Variants in KIAA1549L observed in about 807,000 individuals in gnomAD.
KIAA1549L encodes the protein UPF0606 protein KIAA1549L.
In KIAA1549L, 88 loss-of-function variants were observed where a neutral mutation model predicts 160.7. That is an observed-to-expected ratio of 0.55 (90% CI 0.46 to 0.65). The LOEUF (loss-of-function observed/expected upper bound fraction) is 0.65, where lower values mean the gene tolerates loss of function less well. KIAA1549L is among the 30% of genes least tolerant of loss of function. The pLI is 0.00. For missense variants in KIAA1549L, 2,258 were observed against 2,437.5 expected (o/e 0.93, Z 1.55); for synonymous variants, 950 against 976.7 (o/e 0.97, Z 0.51).
At chr11:33,656,732 C>T (rs1302097382) in intron 18 of KIAA1549L, among the ~76,000 whole-genome samples, 1 of 152,142 alleles carries the variant, frequency 6.6e-6, no homozygotes, top group Non-Finnish European at 1.5e-5. Flanking sequence ...TCCAGCTTCC[C>T]CCAACATACA....
chr11:33,568,032 A>G (rs1267014633), intron 8 of KIAA1549L, 44 bp from the exon 9 acceptor site: 1 of 1,537,348 alleles, frequency 6.5e-7, no homozygotes, highest in Non-Finnish European at 8.8e-7. Flanking sequence ...GAATCAGCAG[A>G]AAGTCTGCCT....
chr11:33,430,745 G>A (rs1475175041), intron 1 of KIAA1549L, among the ~76,000 whole-genome samples: 1 of 152,180 alleles, frequency 6.6e-6, no homozygotes, highest in Admixed American at 6.5e-5. Flanking sequence ...ACCTCAACCT[G>A]TCAGAAGCAG....
chr11:33,545,163 A>C lies in KIAA1549L; in HGVS notation c.3170A>C (p.Asn1057Thr), dbSNP rs1590329070. 1 of 1,613,788 alleles carries C rather than the reference A, an allele frequency of 6.2e-7. No homozygotes were observed. The highest frequency in any genetic ancestry group is 8.5e-7 in the Non-Finnish European group (1 of 1,179,852). Residue 1057 changes from asparagine (N) to threonine (T), a missense_variant, in exon 3 of 21, where the codon AAC becomes ACC. Physicochemically the swap from Asn to Thr is moderately conservative, Grantham distance 65 (BLOSUM62 0). This residue lies in a region of KIAA1549L where 1,359 missense variants were observed against 1,546.6 expected (regional missense o/e 0.88). Transcript: ENST00000658780. ...AMHTGLPNPTNLEMPRASTPR... is the reference protein window; with the variant it reads ...AMHTGLPNPTTLEMPRASTPR... ...CACACCGGCCTCCCAAACCCCACCA[A>C]CCTGGAGATGCCCAGAGCATCCACG...
chr11:33,466,959 G>C (rs1014479697), intron 1 of KIAA1549L, among the ~76,000 whole-genome samples: 11 of 148,028 alleles, frequency 7.4e-5, no homozygotes, highest in African/African-American at 2.5e-4. Flanking sequence ...TCACACACTG[G>C]GGCCTGTTGG....
At chr11:33,573,106 C>A (rs1361042766) in intron 9 of KIAA1549L, among the ~76,000 whole-genome samples, 1 of 152,120 alleles carries the variant, frequency 6.6e-6, no homozygotes, top group African/African-American at 2.4e-5. Flanking sequence ...CTCTTTTGCC[C>A]ATTTTCTATT....
chr11:33,524,589 T>G (rs1853571479), intron 1 of KIAA1549L, among the ~76,000 whole-genome samples: 1 of 152,196 alleles, frequency 6.6e-6, no homozygotes, highest in Non-Finnish European at 1.5e-5. Context: ...AACATTTCAG[T>G]CTATAAATTT....
At chr11:33,631,617 C>T (rs1313827437) in intron 16 of KIAA1549L, among the ~76,000 whole-genome samples, 3 of 152,180 alleles carry the variant, frequency 2.0e-5, no homozygotes, top group Admixed American at 6.5e-5. Flanking sequence ...CAAACCTGCT[C>T]CTGGCTGAGA....
intron 18 of KIAA1549L, among the ~76,000 whole-genome samples, chr11:33,657,871 C>T (rs1222002822): frequency 1.6e-4 from 24 of 152,172 alleles, no homozygotes; most frequent in Admixed American, 1.3e-3. Context: ...TCTCCCTTGC[C>T]GTGGCTGTCA....
chr11:33,583,644 T>C, intron 11 of KIAA1549L, 143 bp downstream of exon 11: 1 of 747,106 alleles, frequency 1.3e-6, no homozygotes, highest in Non-Finnish European at 2.1e-6. Context: ...TCCTTCCTTT[T>C]AGTCTCAGGA....
chr11:33,545,499 AT>A, intron 3 of KIAA1549L, 121 bp downstream of exon 3: 1 of 1,210,672 alleles, frequency 8.3e-7, no homozygotes, highest in Non-Finnish European at 1.1e-6. Flanking sequence ...CCCCAGGGAC[AT>A]TTGGCTATGT....
chr11:33,435,800 A>ATGTG (rs1309350867), intron 1 of KIAA1549L, among the ~76,000 whole-genome samples: 1,103 of 12,884 alleles, frequency 0.086, 232 homozygotes, highest in African/African-American at 0.31. Flanking sequence ...ATATATATAT[A>ATGTG]TATATATATA....
intron 1 of KIAA1549L, among the ~76,000 whole-genome samples, chr11:33,536,743 A>G (rs1853902716): frequency 6.6e-6 from 1 of 152,102 alleles, no homozygotes; most frequent in Non-Finnish European, 1.5e-5. Context: ...AGAATCTGGA[A>G]CTCTGAGAAT....
At chr11:33,417,025 T>G (rs1336720528) in intron 1 of KIAA1549L, among the ~76,000 whole-genome samples, 1 of 152,198 alleles carries the variant, frequency 6.6e-6, no homozygotes, top group East Asian at 1.9e-4. Context: ...TTTCTGCATT[T>G]GATGGAAATG....
At chr11:33,598,766 G>A (rs1236992053) in intron 12 of KIAA1549L, 54 bp from the exon 13 acceptor site, 2 of 1,605,198 alleles carry the variant, frequency 1.2e-6, no homozygotes, top group African/African-American at 2.7e-5. Flanking sequence ...ACCTTGAGAG[G>A]CGGCTGCTCT....
At chr11:33,467,970 C>T (rs1852097320) in intron 1 of KIAA1549L, among the ~76,000 whole-genome samples, 1 of 152,250 alleles carries the variant, frequency 6.6e-6, no homozygotes, top group Admixed American at 6.5e-5. Flanking sequence ...TTTGCAGCCA[C>T]CCTGTCATTA....
intron 1 of KIAA1549L, among the ~76,000 whole-genome samples, chr11:33,428,452 T>TC: frequency 6.8e-6 from 1 of 146,280 alleles, no homozygotes; most frequent in East Asian, 2.2e-4. Flanking sequence ...TCCCTCCCCA[T>TC]CCCCCCGCCC....
At chr11:33,399,080 G>T (rs952071178) in intron 1 of KIAA1549L, among the ~76,000 whole-genome samples, 2 of 151,884 alleles carry the variant, frequency 1.3e-5, no homozygotes, top group African/African-American at 4.8e-5. Flanking sequence ...AGCCTCCTAG[G>T]TAGCTGGGAT....
intron 13 of KIAA1549L, 187 bp downstream of exon 13, chr11:33,599,134 T>C: frequency 1.9e-6 from 1 of 538,206 alleles, no homozygotes; most frequent in South Asian, 2.7e-5. Context: ...TTACCCCTTG[T>C]CTGAATTGTC....
chr11:33,597,495 C>T (rs1850232455), intron 12 of KIAA1549L, among the ~76,000 whole-genome samples: 1 of 152,180 alleles, frequency 6.6e-6, no homozygotes, highest in African/African-American at 2.4e-5. Flanking sequence ...GACAATTCTC[C>T]ATTGTCAGGG....
Sources: gnomAD v4.1 joint callset for allele counts (sites outside exome capture counted in the v4.1 genomes callset) on GRCh38, gnomAD v4.1.1 for gene constraint, gnomAD v4.1.1 regional missense constraint, MANE v1.5 for transcripts, NCBI Gene and HGNC (gene_info 2026-07-23, HGNC 2026-07-21) for gene names.